The following SPINK2 variants were observed in gnomAD, a reference collection of about 807,000 sequenced individuals.
SPINK2 encodes serine peptidase inhibitor Kazal type 2.
A neutral mutation model predicts 13.5 loss-of-function variants in SPINK2; 8 were observed. The ratio of observed to expected loss-of-function variants is 0.59; its 90% CI spans 0.35 to 1.07. SPINK2 has a LOEUF of 1.07. Ranked by LOEUF, SPINK2 falls within the 50% of genes least tolerant of loss-of-function variation. The pLI, the probability that SPINK2 is intolerant of heterozygous loss-of-function variation, is 0.02. For synonymous variants in SPINK2, 76 were observed against 74.7 expected (o/e 1.02, Z -0.09); for missense variants, 148 against 180.3 (o/e 0.82, Z 1.03).
intron 2 of SPINK2, among the ~76,000 whole-genome samples, chr4:56,814,980 A>C (rs781535): frequency 0.71 from 97,569 of 137,882 alleles, 35,412 homozygotes; most frequent in East Asian, 0.96. Context: ...AAAAAAAAAA[A>C]AAACAAAGGC....
At chr4:56,821,789 G>A (rs1020459646), upstream of SPINK2, 4 of 1,048,948 alleles carry the variant, frequency 3.8e-6, no homozygotes, top group African/African-American at 5.8e-5. Flanking sequence ...GAAAAGCAGC[G>A]GTAGGTGGCG....
chr4:56,814,299 A>G (rs1052254103), intron 2 of SPINK2, among the ~76,000 whole-genome samples: 38 of 152,060 alleles, frequency 2.5e-4, no homozygotes, highest in African/African-American at 8.9e-4. Flanking sequence ...TCCTCAGTCC[A>G]TGGAAAAATT....
intron 2 of SPINK2, among the ~76,000 whole-genome samples, chr4:56,817,150 C>T (rs1024364864): frequency 2.0e-4 from 31 of 151,972 alleles, no homozygotes; most frequent in Non-Finnish European, 3.2e-4. Context: ...TGCAGTGAGC[C>T]GAGATCATGC....
intron 2 of SPINK2, among the ~76,000 whole-genome samples, chr4:56,815,789 C>CACACACACAA (rs1010275084): frequency 2.0e-5 from 3 of 146,894 alleles, no homozygotes; most frequent in African/African-American, 7.4e-5. Flanking sequence ...CACACACACA[C>CACACACACAA]ACACACACAA....
At chr4:56,811,364 A>G (rs931525481) in intron 3 of SPINK2, among the ~76,000 whole-genome samples, 1 of 152,200 alleles carries the variant, frequency 6.6e-6, no homozygotes, top group African/African-American at 2.4e-5. Flanking sequence ...CACGCCTGTA[A>G]TCCCAGCACT....
At chr4:56,812,499 G>A (rs1717075499) in intron 2 of SPINK2, among the ~76,000 whole-genome samples, 1 of 141,012 alleles carries the variant, frequency 7.1e-6, no homozygotes, top group Admixed American at 7.8e-5. Flanking sequence ...AGGATGCGGT[G>A]AGCCGAGATC....
Position 56,809,936 on chromosome 4 carries a change from A to T in SPINK2, c.*203T>A. The T allele has an allele frequency of 7.1e-7, 1 of 1,410,006 alleles. No homozygotes were observed. Among genetic ancestry groups the T allele is most frequent in the Non-Finnish European group, 9.3e-7 (1 of 1,072,522 alleles). 87.3% of individuals were successfully genotyped at this position (1,410,006 alleles called of 1,614,324 possible). A position where few individuals can be genotyped will look rare whatever the true frequency, so the allele number is the denominator to read the frequency against. On this transcript the variant is annotated 3_prime_UTR_variant, in exon 4 of 4. Transcript: ENST00000506738. ...CCTGGGCAGTAAGCTTAACTCCAGG[A>T]GCAAAAGCCAAGAAACAAGGATTCT...
chr4:56,814,505 T>C (rs185319248), intron 2 of SPINK2, among the ~76,000 whole-genome samples: 1 of 151,884 alleles, frequency 6.6e-6, no homozygotes, highest in Non-Finnish European at 1.5e-5. Flanking sequence ...GAAATACACA[T>C]GCTGGTCTTG....
Position 56,813,774 on chromosome 4 carries a change from C to T in SPINK2, c.250-1980G>A, listed in dbSNP as rs890353648. On this transcript the variant is annotated intron_variant, in intron 2 of 3. Transcript: ENST00000506738. ...CTGGTATTACAGGCGCATGCCACCACGACCAGCTAAATTTTTGTATTTTTA... is the reference window on the plus strand; with the variant it reads ...CTGGTATTACAGGCGCATGCCACCATGACCAGCTAAATTTTTGTATTTTTA... Among the ~76,000 whole-genome samples the T allele has an allele frequency of 3.0e-4, 45 of 151,874 alleles. 2 individuals carry two copies. The highest frequency in any genetic ancestry group is 2.4e-5 in the African/African-American group (1 of 41,342).
At chr4:56,812,103 C>A (rs1335671753) in intron 2 of SPINK2, among the ~76,000 whole-genome samples, 2 of 151,386 alleles carry the variant, frequency 1.3e-5, no homozygotes, top group Non-Finnish European at 2.9e-5. Context: ...ACCGTGTTGA[C>A]CAAGCTGGTC....
chr4:56,809,993 G>A lies in SPINK2; in HGVS notation c.*146C>T. On this transcript the variant is annotated 3_prime_UTR_variant, in exon 4 of 4. Transcript: ENST00000506738. Reference sequence around the variant, plus strand: ...CTTTAAATTATCCATCACTACACATGGCTGTCTTCCATACCTGCTCTCAGA... The same window carrying A: ...CTTTAAATTATCCATCACTACACATAGCTGTCTTCCATACCTGCTCTCAGA... 6.6e-7 allele frequency: 1 copy of A among 1,509,338 alleles called. No individual in the cohort carries two copies. Among genetic ancestry groups the A allele is most frequent in the East Asian group, 2.5e-5 (1 of 39,882 alleles). The allele number at this position is 1,509,338 out of a possible 1,614,324, so 93.5% of individuals were successfully genotyped here. A position where few individuals can be genotyped will look rare whatever the true frequency, so the allele number is the denominator to read the frequency against.
chr4:56,817,674 T>C (rs1222784568), intron 2 of SPINK2, among the ~76,000 whole-genome samples: 4 of 151,162 alleles, frequency 2.6e-5, no homozygotes, highest in Non-Finnish European at 4.4e-5. Flanking sequence ...GCCAACACGG[T>C]GAAACCCTAC....
At chr4:56,820,641 G>GTT (rs77998791) in intron 1 of SPINK2, 62 bp from the exon 2 acceptor site, 6,643 of 1,053,056 alleles carry the variant, frequency 6.3e-3, no homozygotes, top group Middle Eastern at 8.0e-3. Flanking sequence ...TGTTCATGAA[G>GTT]TTTTTTTTTT....
At chr4:56,816,032 G>A (rs946080870) in intron 2 of SPINK2, among the ~76,000 whole-genome samples, 1 of 152,048 alleles carries the variant, frequency 6.6e-6, no homozygotes, top group African/African-American at 2.4e-5. Flanking sequence ...GAGCCCAGGA[G>A]TTCAAGGTTA....
chr4:56,820,709 G>A (rs1411864733), intron 1 of SPINK2, 130 bp from the exon 2 acceptor site: 8 of 687,648 alleles, frequency 1.2e-5, no homozygotes, highest in South Asian at 1.9e-5. Flanking sequence ...GGGCTTAAGC[G>A]ATCTTCCTGC....
In SPINK2 at chr4:56,811,701, G is replaced by C; in HGVS notation, c.343C>G (p.Leu115Val). ...DMSTYANECT[L>V]CMKIREGGHN... ...TCATGTTACCTGATTTTCATGCACA[G>C]AGTACATTCATTGGCATAAGTGGAC... Residue 115 changes from leucine (L) to valine (V), a missense_variant, in exon 3 of 4, where the codon CTG becomes GTG. Leu to Val is a conservative substitution (Grantham distance 32). Transcript: ENST00000506738. 1 of 1,607,622 alleles carries C rather than the reference G, an allele frequency of 6.2e-7. No individual in the cohort carries two copies.
rs1332092654 is a variant in SPINK2, at chr4:56,810,076, T to G, written c.*63A>C. The G allele has an allele frequency of 2.6e-6, 4 of 1,549,080 alleles. No individual in the cohort carries two copies. The highest frequency in any genetic ancestry group is 1.7e-4 in the Middle Eastern group (1 of 5,978). On this transcript the variant is annotated 3_prime_UTR_variant, in exon 4 of 4. Transcript: ENST00000506738. ...CACAGGAAAAGAGAAAAAGGGGAAA[T>G]GCAATTTATCTAGTCTGCCAGTGAA... is the stretch of plus-strand genomic sequence containing the variant.
intron 3 of SPINK2, among the ~76,000 whole-genome samples, chr4:56,811,262 C>T: frequency 6.6e-6 from 1 of 152,226 alleles, no homozygotes; most frequent in Non-Finnish European, 1.5e-5. Context: ...AACTACCATA[C>T]CACCTTTGAT....
chr4:56,819,622 T>TCC, intron 2 of SPINK2, among the ~76,000 whole-genome samples: 1 of 149,954 alleles, frequency 6.7e-6, no homozygotes, highest in South Asian at 2.1e-4. Flanking sequence ...TTCTTTCTTT[T>TCC]TTTTTTTTTT....
Sources: gnomAD v4.1 joint callset for allele counts (sites outside exome capture counted in the v4.1 genomes callset) on GRCh38, gnomAD v4.1.1 for gene constraint, MANE v1.5 for transcripts, NCBI Gene and HGNC (gene_info 2026-07-23, HGNC 2026-07-21) for gene names.